Variants in ZKSCAN7 observed in about 807,000 individuals in gnomAD.
The protein encoded by ZKSCAN7 is zinc finger protein with KRAB and SCAN domains 7.
ZKSCAN7 carries 38 observed loss-of-function variants against 65.3 expected under a neutral mutation model. The ratio of observed to expected loss-of-function variants is 0.58; its 90% CI spans 0.45 to 0.76. ZKSCAN7 has a LOEUF of 0.76. Among genes scored for constraint, ZKSCAN7 ranks in the 30% least tolerant of loss-of-function variants. The pLI is 0.00. For missense variants in ZKSCAN7, 815 were observed against 913.3 expected, an observed-to-expected ratio of 0.89 and a Z score of 1.39; for synonymous variants, 321 against 321.0, an observed-to-expected ratio of 1.00 and a Z score of 0.00.
At chr3:44,580,774 C>A in intron 5 of ZKSCAN7, 3 of 1,613,134 alleles carry the variant, frequency 1.9e-6, no homozygotes, top group Non-Finnish European at 2.5e-6. Context: ...TCATCCAGGG[C>A]GTAGCGCAAG....
At chr3:44,577,855 G>C (rs1037725925) in intron 5 of ZKSCAN7, among the ~76,000 whole-genome samples, 2 of 152,204 alleles carry the variant, frequency 1.3e-5, no homozygotes, top group Non-Finnish European at 1.5e-5. Flanking sequence ...CAGGTGAAAA[G>C]CAGCGCTCGG....
chr3:44,582,785 C>T (rs1700114838), intron 5 of ZKSCAN7, among the ~76,000 whole-genome samples: 1 of 152,006 alleles, frequency 6.6e-6, no homozygotes, highest in Non-Finnish European at 1.5e-5. Flanking sequence ...CTCCCTGGGA[C>T]CAGATGTAGG....
chr3:44,578,077 C>T (rs1699961330), intron 5 of ZKSCAN7: 7 of 1,586,236 alleles, frequency 4.4e-6, no homozygotes, highest in Non-Finnish European at 6.1e-6. Context: ...TTCATTATAT[C>T]ATATCCGGAC....
downstream of ZKSCAN7, among the ~76,000 whole-genome samples, chr3:44,574,218 T>C (rs547438049): frequency 6.6e-6 from 1 of 152,238 alleles, no homozygotes; most frequent in South Asian, 2.1e-4. Flanking sequence ...CTCAGGTGAT[T>C]CTCCCACTTC....
intron 2 of ZKSCAN7, among the ~76,000 whole-genome samples, chr3:44,564,338 G>C (rs1001755415): frequency 1.3e-5 from 2 of 152,164 alleles, no homozygotes; most frequent in African/African-American, 4.8e-5. Context: ...ATTGAAAACT[G>C]AGTTTGCAGA....
rs114853437 is a variant in ZKSCAN7 at position 44,579,572 on chromosome 3, G to A, written c.812-3400G>A. On this transcript the variant is annotated intron_variant, in intron 5 of 5. Transcript: ENST00000341840. ...CTCTGGCAACCAGCTGGTCACATCC[G>A]GGGCGGTGGTCGGGTGCACATGCTT... Among the ~76,000 whole-genome samples the A allele has an allele frequency of 7.3e-3, 1,113 of 152,270 alleles. 11 individuals are homozygous for A. The highest frequency in any genetic ancestry group is 0.025 in the African/African-American group (1,043 of 41,534).
intron 3 of ZKSCAN7, 92 bp from the exon 4 acceptor site, chr3:44,567,820 T>C: frequency 1.7e-6 from 1 of 590,450 alleles, no homozygotes; most frequent in Admixed American, 3.0e-5. Flanking sequence ...TGGAGGTGCC[T>C]GGGTTCTCTT....
In ZKSCAN7 at chr3:44,570,359, G is replaced by A. The variant is rs550329434; in HGVS notation, c.1249G>A (p.Gly417Arg). Reference sequence around the variant, plus strand: ...GAAACCCTATGAGTGTAATGAGTGTGGGAAGACCTTCAGGCAAACCTCCCA... The same window carrying A: ...GAAACCCTATGAGTGTAATGAGTGTAGGAAGACCTTCAGGCAAACCTCCCA... The part of the protein sequence containing the change: ...GEKPYECNEC[G>R]KTFRQTSQLI... The change falls in exon 6 of 6, where the codon GGG becomes AGG. Residue 417 changes from glycine to arginine, a missense_variant. Transcript: ENST00000426540. 6.2e-7 allele frequency: 1 copy of A among 1,614,056 alleles called. No individual in the cohort carries two copies. The highest frequency in any genetic ancestry group is 2.2e-5 in the East Asian group (1 of 44,872).
intron 4 of ZKSCAN7, 40 bp from the exon 5 acceptor site, chr3:44,568,267 G>T (rs1165100376): frequency 1.9e-6 from 3 of 1,600,696 alleles, no homozygotes; most frequent in Non-Finnish European, 2.6e-6. Flanking sequence ...TGCCCTTCAG[G>T]CTGTGAATGT....
intron 5 of ZKSCAN7, 36 bp downstream of exon 5, chr3:44,568,469 A>G (rs571724733): frequency 6.3e-7 from 1 of 1,593,536 alleles, no homozygotes; most frequent in Non-Finnish European, 8.5e-7. Flanking sequence ...TAAAGTCTGC[A>G]TGCTGCACAA....
Position 44,578,259 on chromosome 3 carries a change from C to T in ZKSCAN7, c.812-4713C>T, listed in dbSNP as rs905325260. The T allele has an allele frequency of 3.6e-5, 56 of 1,565,704 alleles. No individual in the cohort carries two copies. In the East Asian group the frequency reaches 6.9e-4, roughly 19 times the overall value. On this transcript the variant is annotated intron_variant, in intron 5 of 5. Coordinates refer to the ZKSCAN7 transcript ENST00000341840. ...TTGTCCCACAGTGCTGTCTGCAGCT[C>T]ATCCTTGAGGGAGCTAATCTCCTGT...
chr3:44,574,261 G>A (rs1699881381), downstream of ZKSCAN7, among the ~76,000 whole-genome samples: 1 of 152,088 alleles, frequency 6.6e-6, no homozygotes. Context: ...ACAGGTGCAT[G>A]CCACCATGCC....
intron 2 of ZKSCAN7, among the ~76,000 whole-genome samples, chr3:44,564,889 C>T (rs983760562): frequency 2.0e-5 from 3 of 152,156 alleles, no homozygotes; most frequent in African/African-American, 7.2e-5. Flanking sequence ...CAAACTCCAC[C>T]TCCCAGGATC....
intron 2 of ZKSCAN7, among the ~76,000 whole-genome samples, chr3:44,563,613 CACTATT>C (rs1337428979): frequency 6.6e-6 from 1 of 151,808 alleles, no homozygotes; most frequent in Non-Finnish European, 1.5e-5. Flanking sequence ...CATGAGAACT[CACTATT>C]ACAAGAACAG....
chr3:44,569,895 A>C (rs373983409), intron 5 of ZKSCAN7, 27 bp from the exon 6 acceptor site: 1 of 1,509,554 alleles, frequency 6.6e-7, no homozygotes, highest in South Asian at 1.4e-5. Flanking sequence ...AAATGGGTAA[A>C]AGTTGTTGTC....
chr3:44,581,254 G>C (rs1213620891), intron 5 of ZKSCAN7, among the ~76,000 whole-genome samples: 3 of 148,498 alleles, frequency 2.0e-5, no homozygotes, highest in East Asian at 1.9e-4. Context: ...CCCAGCCGCC[G>C]TGGGCCCAAG....
At chr3:44,567,186 AAAAG>A (rs1254504690) in intron 3 of ZKSCAN7, among the ~76,000 whole-genome samples, 1 of 151,786 alleles carries the variant, frequency 6.6e-6, no homozygotes, top group Non-Finnish European at 1.5e-5. Context: ...GAAAAGAGAG[AAAAG>A]AAAGAGAGGG....
intron 2 of ZKSCAN7, among the ~76,000 whole-genome samples, chr3:44,558,782 A>ATTTTTT (rs35709621): frequency 7.3e-4 from 68 of 92,696 alleles, no homozygotes; most frequent in African/African-American, 2.0e-3. Context: ...TTTCTTCTTC[A>ATTTTTT]TTTTTTTTTT....
rs899803671 is a variant in ZKSCAN7 at position 44,572,005 on chromosome 3, T to C, written c.*630T>C. On this transcript the variant is annotated 3_prime_UTR_variant, in exon 6 of 6. Transcript: ENST00000426540. ...CTTTGAATTCACTGGTGCTACAATA[T>C]GTAACTGTGGTTAATTGCCTTGTAA... is the stretch of plus-strand genomic sequence containing the variant. 13 of 986,010 alleles carry C rather than the reference T, an allele frequency of 1.3e-5. No homozygotes were observed. The African/African-American group carries it at 1.9e-4, about 15-fold the overall frequency. The allele number at this position is 986,010 out of a possible 1,614,324, so 61.1% of individuals were successfully genotyped here. A position where few individuals can be genotyped will look rare whatever the true frequency, so the allele number is the denominator to read the frequency against.
Sources: allele counts gnomAD v4.1 joint callset (sites outside exome capture counted in the v4.1 genomes callset), GRCh38; gene constraint gnomAD v4.1.1; transcripts MANE v1.5; gene names NCBI Gene and HGNC (gene_info 2026-07-23, HGNC 2026-07-21).